Variants in ACTL7A observed in about 807,000 individuals in gnomAD.
ACTL7A encodes actin-like protein 7A.
In ACTL7A, 27 loss-of-function variants were observed where a neutral mutation model predicts 30.3. The ratio of observed to expected loss-of-function variants is 0.89; its 90% CI spans 0.66 to 1.23. ACTL7A has a LOEUF of 1.23. ACTL7A is among the 50% of genes most tolerant of loss of function. ACTL7A has a pLI of 0.00. For synonymous variants in ACTL7A, 259 were observed against 241.4 expected (o/e 1.07, Z -0.67); for missense variants, 566 against 571.8 (o/e 0.99, Z 0.10).
Position 108,862,940 on chromosome 9 carries a change from G to T in ACTL7A, c.618G>T (p.Met206Ile). 6.2e-7 allele frequency: 1 copy of T among 1,610,946 alleles called. No homozygotes were observed. The highest frequency in any genetic ancestry group is 1.3e-5 in the African/African-American group (1 of 75,014). ...TCGCCTACCAGTCGCGCCTGTCCATGTACTCCTATGGAAGGACCTCCGGCC... is the reference window on the plus strand; with the variant it reads ...TCGCCTACCAGTCGCGCCTGTCCATTTACTCCTATGGAAGGACCTCCGGCC... ...MHIAYQSRLS[M>I]YSYGRTSGLV... Residue 206 changes from methionine to isoleucine, a missense_variant, in exon 1 of 1, where the codon ATG (methionine) becomes ATT (isoleucine). By Grantham distance (10) the Met-to-Ile change is conservative (BLOSUM62 1). Coordinates refer to ENST00000333999, the MANE Select transcript of ACTL7A (RefSeq NM_006687.4).
chr9:108,863,151 A>G lies in ACTL7A; in HGVS notation c.829A>G (p.Lys277Glu). The G allele has an allele frequency of 3.1e-6, 5 of 1,614,136 alleles. No individual in the cohort carries two copies. Among genetic ancestry groups the G allele is most frequent in the South Asian group, 1.1e-5 (1 of 91,086 alleles). The change falls in exon 1 of 1, where the codon AAG becomes GAG. Residue 277 changes from lysine (K) to glutamate (E), a missense_variant. Coordinates refer to ENST00000333999, the MANE Select transcript of ACTL7A (RefSeq NM_006687.4). ...GATGGGCATCGTGGAGGACATCAAG[A>G]AGAAATGCTGCTTTGTGGCCCTGGA... ...DQMGIVEDIKKKCCFVALDPI... is the reference protein window; with the variant it reads ...DQMGIVEDIKEKCCFVALDPI...
At position 108,862,686 on chromosome 9, in the gene ACTL7A, C is replaced by T. The variant is rs1350282306; in HGVS notation, c.364C>T (p.Leu122Phe). The part of the protein sequence containing the change: ...NRKETFVGQE[L>F]NNTNVHLKLV... ...CAAGGAGACATTCGTGGGGCAGGAACTCAACAACACAAACGTTCATCTCAA... is the reference window on the plus strand; with the variant it reads ...CAAGGAGACATTCGTGGGGCAGGAATTCAACAACACAAACGTTCATCTCAA... The change falls in exon 1 of 1, where the codon CTC becomes TTC. Residue 122 changes from leucine to phenylalanine, a missense_variant. Transcript: ENST00000333999. 2.5e-6 allele frequency: 4 copies of T among 1,614,108 alleles called. No homozygotes were observed. The highest frequency in any genetic ancestry group is 2.2e-5 in the East Asian group (1 of 44,890).
rs950977206 is a variant in ACTL7A, at chr9:108,863,291, C to T, written c.969C>T (p.Phe323=). 2 of 1,614,152 alleles carry T rather than the reference C, an allele frequency of 1.2e-6. No individual in the cohort carries two copies. The highest frequency in any genetic ancestry group is 8.5e-7 in the Non-Finnish European group (1 of 1,180,030). The change falls in exon 1 of 1, where the codon TTC becomes TTT. Residue 323 remains phenylalanine (F), a synonymous_variant. Transcript: ENST00000333999. ...QERFLCSEMF[F]KPSLIKSMQL... is the part of the protein sequence containing the mutation. ...GGTTCCTCTGCTCGGAGATGTTCTT[C>T]AAGCCATCTCTCATCAAGTCCATGC...
At position 108,862,855 on chromosome 9, in the gene ACTL7A, C is replaced by T. The variant is rs1343671052; in HGVS notation, c.533C>T (p.Thr178Ile). ...TCAGACCCGCCACTGAGCCCACACA[C>T]CAACAGAGAGAAATATGCTGAAATG... The part of the protein sequence containing the change: ...LVSDPPLSPH[T>I]NREKYAEMLF... Residue 178 changes from threonine to isoleucine, a missense_variant, in exon 1 of 1, where the codon ACC (threonine) becomes ATC (isoleucine). Physicochemically the swap from Thr to Ile is moderately conservative, Grantham distance 89 (BLOSUM62 -1). Coordinates refer to ENST00000333999, the MANE Select transcript of ACTL7A (RefSeq NM_006687.4). The T allele has an allele frequency of 1.2e-6, 2 of 1,613,840 alleles. No homozygotes were observed. Among genetic ancestry groups the T allele is most frequent in the South Asian group, 1.1e-5 (1 of 91,032 alleles).
At position 108,862,598 on chromosome 9, in the gene ACTL7A, C is replaced by A; in HGVS notation, c.276C>A (p.Thr92=). ...KCGFAGLPRP[T]HKISTTVGKP... is the part of the protein sequence containing the mutation. ...GCTTTGCCGGCCTGCCAAGACCCACCCACAAGATCTCAACAACGGTGGGCA... is the reference window on the plus strand; with the variant it reads ...GCTTTGCCGGCCTGCCAAGACCCACACACAAGATCTCAACAACGGTGGGCA... Residue 92 remains threonine, a synonymous_variant, in exon 1 of 1, where the codon ACC becomes ACA. Coordinates refer to ENST00000333999, the MANE Select transcript of ACTL7A (RefSeq NM_006687.4). The A allele has an allele frequency of 6.2e-7, 1 of 1,614,178 alleles. No homozygotes were observed. Among genetic ancestry groups the A allele is most frequent in the South Asian group, 1.1e-5 (1 of 91,084 alleles).
Position 108,862,778 on chromosome 9 carries a change from T to C in ACTL7A, c.456T>C (p.Tyr152=). 6.2e-7 allele frequency: 1 copy of C among 1,614,074 alleles called. No homozygotes were observed. Among genetic ancestry groups the C allele is most frequent in the South Asian group, 1.1e-5 (1 of 91,072 alleles). The stretch of plus-strand genomic sequence containing the variant: ...ATACAGTGCAGGATATCTGGGAATA[T>C]CTCTTCCGACAAGAGATGAAGATCG... ...DWDTVQDIWE[Y]LFRQEMKIAP... The change falls in exon 1 of 1, where the codon TAT becomes TAC. Residue 152 remains tyrosine, a synonymous_variant. Transcript: ENST00000333999.
chr9:108,863,017 G>A lies in ACTL7A; in HGVS notation c.695G>A (p.Gly232Asp), dbSNP rs1454311378. 1.2e-6 allele frequency: 2 copies of A among 1,613,458 alleles called. No homozygotes were observed. Among genetic ancestry groups the A allele is most frequent in the East Asian group, 2.2e-5 (1 of 44,874 alleles). Residue 232 changes from glycine to aspartate, a missense_variant, in exon 1 of 1, where the codon GGT (glycine) becomes GAT (aspartate). By Grantham distance (94) the Gly-to-Asp change is moderately conservative. Coordinates refer to ENST00000333999, the MANE Select transcript of ACTL7A (RefSeq NM_006687.4). The stretch of plus-strand genomic sequence containing the variant: ...TCCTACGTGGTCCCCATCTACGAGG[G>A]TTATCCTTTGCCCAGCATCACCGGA... ...GVSYVVPIYEGYPLPSITGRL... is the reference protein window; with the variant it reads ...GVSYVVPIYEDYPLPSITGRL...
Position 108,863,321 on chromosome 9 carries a change from G to T in ACTL7A, c.999G>T (p.Leu333=), listed in dbSNP as rs1356218701. 1 of 1,614,176 alleles carries T rather than the reference G, an allele frequency of 6.2e-7. No individual in the cohort carries two copies. ...FKPSLIKSMQ[L]GLHTQTVSCL... Reference sequence around the variant, plus strand: ...CATCTCTCATCAAGTCCATGCAGCTGGGCCTCCACACCCAAACCGTGTCCT... The same window carrying T: ...CATCTCTCATCAAGTCCATGCAGCTTGGCCTCCACACCCAAACCGTGTCCT... The change falls in exon 1 of 1, where the codon CTG becomes CTT. Residue 333 remains leucine (L), a synonymous_variant. Transcript: ENST00000333999.
chr9:108,862,979 G>A lies in ACTL7A; in HGVS notation c.657G>A (p.Val219=), dbSNP rs3739693. ...YGRTSGLVVE[V]GHGVSYVVPI... ...GGACCTCCGGCCTGGTGGTGGAGGT[G>A]GGCCATGGCGTGTCCTACGTGGTCC... The change falls in exon 1 of 1, where the codon GTG becomes GTA. Residue 219 remains valine, a synonymous_variant. Transcript: ENST00000333999. The A allele has an allele frequency of 0.014, 22,658 of 1,609,278 alleles. 1,157 individuals carry two copies. The highest frequency in any genetic ancestry group is 0.14 in the African/African-American group (10,322 of 74,880).
Position 108,862,723 on chromosome 9 carries a change from C to G in ACTL7A, c.401C>G (p.Pro134Arg). 2 of 1,614,208 alleles carry G rather than the reference C, an allele frequency of 1.2e-6. No homozygotes were observed. Among genetic ancestry groups the G allele is most frequent in the Non-Finnish European group, 1.7e-6 (2 of 1,180,044 alleles). ...AACGTTCATCTCAAGCTGGTTAACC[C>G]TCTGCGACATGGCATCATCGTGGAC... ...NTNVHLKLVN[P>R]LRHGIIVDWD... The change falls in exon 1 of 1, where the codon CCT becomes CGT. Residue 134 changes from proline to arginine, a missense_variant. Transcript: ENST00000333999.
At position 108,863,462 on chromosome 9, in the gene ACTL7A, C is replaced by G. The variant is rs113170447; in HGVS notation, c.1140C>G (p.Ser380Arg). The G allele has an allele frequency of 1.9e-6, 3 of 1,614,204 alleles. No homozygotes were observed. In the East Asian group the frequency reaches 6.7e-5, roughly 36 times the overall value. Residue 380 changes from serine to arginine, a missense_variant, in exon 1 of 1, where the codon AGC becomes AGG. Ser to Arg is a moderately radical substitution (Grantham distance 110). Coordinates refer to ENST00000333999, the MANE Select transcript of ACTL7A (RefSeq NM_006687.4). ...FPNRLQKELS[S>R]MCPNDTPQVN... ...ACCGTCTGCAGAAGGAGCTAAGCAGCATGTGTCCCAATGACACCCCGCAGG... is the reference window on the plus strand; with the variant it reads ...ACCGTCTGCAGAAGGAGCTAAGCAGGATGTGTCCCAATGACACCCCGCAGG...
In ACTL7A at chr9:108,863,078, C is replaced by T. The variant is rs1234544037; in HGVS notation, c.756C>T (p.Tyr252=). 8 of 1,614,138 alleles carry T rather than the reference C, an allele frequency of 5.0e-6. No individual in the cohort carries two copies. Among genetic ancestry groups the T allele is most frequent in the Non-Finnish European group, 6.8e-6 (8 of 1,180,018 alleles). ...ACGCGGGCTCTGACCTGACAGCCTA[C>T]CTGCTGGGCCTGCTGAACAGTGCGG... is the stretch of plus-strand genomic sequence containing the variant. ...LDYAGSDLTA[Y]LLGLLNSAGN... The change falls in exon 1 of 1, where the codon TAC becomes TAT. Residue 252 remains tyrosine, a synonymous_variant. Transcript: ENST00000333999.
rs1827177470 is a variant in ACTL7A, at chr9:108,862,512, C to A, written c.190C>A (p.Pro64Thr). 1 of 1,613,920 alleles carries A rather than the reference C, an allele frequency of 6.2e-7. No individual in the cohort carries two copies. Among genetic ancestry groups the A allele is most frequent in the Non-Finnish European group, 8.5e-7 (1 of 1,179,988 alleles). The change falls in exon 1 of 1, where the codon CCC becomes ACC. Residue 64 changes from proline to threonine, a missense_variant. Pro to Thr is a conservative substitution (Grantham distance 38). Transcript: ENST00000333999. ...TGAATCAAAGGCAGCCAAGGAGAGGCCCAAGCAGGAGGTGACCAAAGCAGT... is the reference window on the plus strand; with the variant it reads ...TGAATCAAAGGCAGCCAAGGAGAGGACCAAGCAGGAGGTGACCAAAGCAGT... ...PTESKAAKER[P>T]KQEVTKAVVV...
In ACTL7A at chr9:108,862,854, A is replaced by G; in HGVS notation, c.532A>G (p.Thr178Ala). The G allele has an allele frequency of 6.2e-7, 1 of 1,613,920 alleles. No homozygotes were observed. The highest frequency in any genetic ancestry group is 1.1e-5 in the South Asian group (1 of 91,046). Residue 178 changes from threonine (T) to alanine (A), a missense_variant, in exon 1 of 1, where the codon ACC (threonine) becomes GCC (alanine). By Grantham distance (58) the Thr-to-Ala change is moderately conservative. Transcript: ENST00000333999. ...TTCAGACCCGCCACTGAGCCCACAC[A>G]CCAACAGAGAGAAATATGCTGAAAT... ...LVSDPPLSPH[T>A]NREKYAEMLF...
Position 108,862,364 on chromosome 9 carries a change from CAAG to C in ACTL7A, c.46_48del (p.Lys16del), listed in dbSNP as rs746883505. The C allele has an allele frequency of 3.1e-6, 5 of 1,613,604 alleles. No individual in the cohort carries two copies. In the Admixed American group the frequency reaches 8.3e-5, roughly 27 times the overall value. On this transcript the variant is annotated inframe_deletion, in exon 1 of 1. Coordinates refer to ENST00000333999, the MANE Select transcript of ACTL7A (RefSeq NM_006687.4). ...CAGCAATCATGGGGGATGGGCCCAC[CAAG>C]AAGGTGGGCAACCAGGCCCCCCTGC...
chr9:108,863,038 C>A lies in ACTL7A; in HGVS notation c.716C>A (p.Thr239Asn), dbSNP rs1312916401. The change falls in exon 1 of 1, where the codon ACC becomes AAC. Residue 239 changes from threonine to asparagine, a missense_variant. Transcript: ENST00000333999. The part of the protein sequence containing the change: ...IYEGYPLPSI[T>N]GRLDYAGSDL... ...GAGGGTTATCCTTTGCCCAGCATCA[C>A]CGGAAGGCTGGACTACGCGGGCTCT... The A allele has an allele frequency of 1.2e-6, 2 of 1,613,884 alleles. No homozygotes were observed. Among genetic ancestry groups the A allele is most frequent in the Admixed American group, 3.3e-5 (2 of 59,994 alleles).
Position 108,863,087 on chromosome 9 carries a change from C to T in ACTL7A, c.765C>T (p.Gly255=). Residue 255 remains glycine (G), a synonymous_variant, in exon 1 of 1, where the codon GGC becomes GGT. Transcript: ENST00000333999. ...CTGACCTGACAGCCTACCTGCTGGG[C>T]CTGCTGAACAGTGCGGGGAACGAAT... ...AGSDLTAYLL[G]LLNSAGNEFT... is the part of the protein sequence containing the mutation. The T allele has an allele frequency of 1.2e-6, 2 of 1,614,108 alleles. No individual in the cohort carries two copies. Among genetic ancestry groups the T allele is most frequent in the African/African-American group, 1.3e-5 (1 of 75,014 alleles).
chr9:108,863,051 C>T lies in ACTL7A; in HGVS notation c.729C>T (p.Asp243=). Residue 243 remains aspartate (D), a synonymous_variant, in exon 1 of 1, where the codon GAC becomes GAT. Coordinates refer to ENST00000333999, the MANE Select transcript of ACTL7A (RefSeq NM_006687.4). ...YPLPSITGRL[D]YAGSDLTAYL... is the part of the protein sequence containing the mutation. ...TGCCCAGCATCACCGGAAGGCTGGA[C>T]TACGCGGGCTCTGACCTGACAGCCT... is the stretch of plus-strand genomic sequence containing the variant. 1.2e-6 allele frequency: 2 copies of T among 1,614,108 alleles called. No individual in the cohort carries two copies. The highest frequency in any genetic ancestry group is 2.2e-5 in the East Asian group (1 of 44,870).
In ACTL7A at chr9:108,862,456, GC is replaced by G; in HGVS notation, c.136del (p.His46IlefsTer23). ...CCGGCGAAGCGGGCCGTGTGGGTCC[GC>G]CATACGAGTTCAGAGCCACAAGAAC... Reference protein sequence around the residue: ...DGPAKRAVWVRHTSSEPQEPT... With the variant: ...DGPAKRAVWVXHTSSEPQEPT... On this transcript the variant is annotated frameshift_variant, in exon 1 of 1. Transcript: ENST00000333999. LOFTEE classifies it high-confidence loss of function. 1 of 1,614,022 alleles carries G rather than the reference GC, an allele frequency of 6.2e-7. No homozygotes were observed. Among genetic ancestry groups the G allele is most frequent in the Non-Finnish European group, 8.5e-7 (1 of 1,180,012 alleles).
Sources: gnomAD v4.1 joint callset for allele counts on GRCh38, gnomAD v4.1.1 for gene constraint, MANE v1.5 for transcripts, NCBI Gene and HGNC (gene_info 2026-07-23, HGNC 2026-07-21) for gene names.